LAMA4: variants seen among roughly 807,000 people sequenced by gnomAD.
LAMA4 encodes the protein laminin subunit alpha-4.
A neutral mutation model predicts 207.1 loss-of-function variants in LAMA4; 127 were observed. The ratio of observed to expected loss-of-function variants is 0.61; its 90% CI spans 0.53 to 0.71. The LOEUF (loss-of-function observed/expected upper bound fraction) is 0.71, where lower values mean the gene tolerates loss of function less well. Ranked by LOEUF, LAMA4 falls within the 30% of genes least tolerant of loss-of-function variation. The pLI, the probability that LAMA4 is intolerant of heterozygous loss-of-function variation, is 0.00. For missense variants in LAMA4, 2,093 were observed against 2,246.5 expected (o/e 0.93, Z 1.38); for synonymous variants, 761 against 816.0 (o/e 0.93, Z 1.15).
At chr6:112,241,200 T>G (rs1249318170) in intron 2 of LAMA4, among the ~76,000 whole-genome samples, 1 of 112,298 alleles carries the variant, frequency 8.9e-6, no homozygotes, top group African/African-American at 2.9e-5. Context: ...TGAATATATA[T>G]GATATATATG....
intron 3 of LAMA4, among the ~76,000 whole-genome samples, chr6:112,215,312 C>A (rs987550000): frequency 6.6e-6 from 1 of 152,186 alleles, no homozygotes; most frequent in Non-Finnish European, 1.5e-5. Context: ...ACTTAATTCT[C>A]TGTCCCTAGA....
At position 112,114,771 on chromosome 6, in the gene LAMA4, A is replaced by G. The variant is rs1554322953; in HGVS notation, c.5113-15T>C. ...TTCACTATGACCTGCAAAAGATAGGACACATTGTATGATTTAGTTTGTCCT... is the reference window on the plus strand; with the variant it reads ...TTCACTATGACCTGCAAAAGATAGGGCACATTGTATGATTTAGTTTGTCCT... On this transcript the variant is annotated splice_polypyrimidine_tract_variant and intron_variant, in intron 36 of 38. Coordinates refer to ENST00000230538, the MANE Select transcript of LAMA4 (RefSeq NM_001105206.3). 6.5e-6 allele frequency: 10 copies of G among 1,546,828 alleles called. No individual in the cohort carries two copies. The highest frequency in any genetic ancestry group is 2.2e-5 in the East Asian group (1 of 44,538).
intron 2 of LAMA4, among the ~76,000 whole-genome samples, chr6:112,241,460 A>G (rs1163441376): frequency 6.6e-6 from 1 of 151,898 alleles, no homozygotes; most frequent in Non-Finnish European, 1.5e-5. Context: ...TTGCTAAGGC[A>G]CTCTGAGACT....
At chr6:112,154,539 T>TGGCTGTGTTAAGTGTATTTTAGGACA (rs1780587875) in intron 16 of LAMA4, among the ~76,000 whole-genome samples, 2 of 73,756 alleles carry the variant, frequency 2.7e-5, no homozygotes, top group African/African-American at 1.5e-4. Flanking sequence ...TTTTAGGACA[T>TGGCTGTGTTAAGTGTATTTTAGGACA]TTTTCCCCTA....
At chr6:112,174,224 C>A (rs1234483939) in intron 11 of LAMA4, among the ~76,000 whole-genome samples, 1 of 152,170 alleles carries the variant, frequency 6.6e-6, no homozygotes, top group African/African-American at 2.4e-5. Context: ...AGCTCCAAGC[C>A]TAGGCTTAAG....
At chr6:112,222,390 G>A (rs781935971) in intron 2 of LAMA4, among the ~76,000 whole-genome samples, 5 of 152,146 alleles carry the variant, frequency 3.3e-5, no homozygotes, top group Admixed American at 6.5e-5. Flanking sequence ...ACAGACTATG[G>A]TGCTGGTTTC....
rs144171485 is a variant in LAMA4 at position 112,143,436 on chromosome 6, C to T, written c.2494-1144G>A. On this transcript the variant is annotated intron_variant, in intron 19 of 38. Coordinates refer to ENST00000230538, the MANE Select transcript of LAMA4 (RefSeq NM_001105206.3). ...AGTAACTGGGACTACAGGTGTGCGCCACCACGCCCAGCCAATTTTTGTATT... is the reference window on the plus strand; with the variant it reads ...AGTAACTGGGACTACAGGTGTGCGCTACCACGCCCAGCCAATTTTTGTATT... Among the ~76,000 whole-genome samples the T allele has an allele frequency of 2.3e-3, 349 of 152,186 alleles. 2 individuals are homozygous for T. The highest frequency in any genetic ancestry group is 8.0e-3 in the African/African-American group (334 of 41,512).
At chr6:112,137,440 A>G (rs901483985) in intron 24 of LAMA4, among the ~76,000 whole-genome samples, 1 of 152,204 alleles carries the variant, frequency 6.6e-6, no homozygotes, top group Non-Finnish European at 1.5e-5. Flanking sequence ...AGAGAAAGAA[A>G]CTAACTTTTA....
chr6:112,109,624 T>C, intron 38 of LAMA4, 42 bp from the exon 39 acceptor site: 1 of 1,603,546 alleles, frequency 6.2e-7, no homozygotes, highest in South Asian at 1.1e-5. Context: ...GCAATTGAGG[T>C]ATTCCAAGCC....
intron 11 of LAMA4, among the ~76,000 whole-genome samples, chr6:112,174,071 T>A (rs1554342825): frequency 6.6e-6 from 1 of 152,234 alleles, no homozygotes; most frequent in African/African-American, 2.4e-5. Flanking sequence ...AGCTAAAATA[T>A]AATATGCAAA....
At chr6:112,190,086 A>G (rs1156987145) in intron 6 of LAMA4, among the ~76,000 whole-genome samples, 4 of 152,212 alleles carry the variant, frequency 2.6e-5, no homozygotes, top group Admixed American at 2.0e-4. Flanking sequence ...CATCTGTTTA[A>G]TGTTCCACAA....
intron 22 of LAMA4, 92 bp from the exon 23 acceptor site, chr6:112,139,977 G>A: frequency 8.2e-7 from 1 of 1,225,886 alleles, no homozygotes; most frequent in Non-Finnish European, 1.2e-6. Context: ...GTAGGTCAAG[G>A]AGACCTACCC....
Position 112,150,621 on chromosome 6 carries a change from T to A in LAMA4, c.2063A>T (p.Asp688Val). 1.9e-6 allele frequency: 3 copies of A among 1,612,196 alleles called. No homozygotes were observed. The highest frequency in any genetic ancestry group is 2.5e-6 in the Non-Finnish European group (3 of 1,178,190). ...ELQAKAESSSDEAVADTSRRV... is the reference protein window; with the variant it reads ...ELQAKAESSSVEAVADTSRRV... ...CCTGCTAGTGTCAGCCACTGCTTCA[T>A]CACTGCCTGTGGAAGAGCAGCAGAA... Residue 688 changes from aspartate to valine, a missense_variant, in exon 17 of 39, where the codon GAT becomes GTT. This residue lies in a region of LAMA4 where 1,704 missense variants were observed against 1,788.4 expected (regional missense o/e 0.95). Coordinates refer to ENST00000230538, the MANE Select transcript of LAMA4 (RefSeq NM_001105206.3).
intron 24 of LAMA4, among the ~76,000 whole-genome samples, chr6:112,136,690 T>TGA (rs1779371780): frequency 1.3e-5 from 1 of 76,444 alleles, no homozygotes; most frequent in African/African-American, 5.2e-5. Context: ...AGACTCTGTC[T>TGA]CAAAAAAAAA....
rs1190461791 is a variant in LAMA4 at position 112,130,983 on chromosome 6, G to C, written c.3953C>G (p.Ser1318Cys). 4 of 1,613,088 alleles carry C rather than the reference G, an allele frequency of 2.5e-6. No individual in the cohort carries two copies. In the African/African-American group the frequency reaches 4.0e-5, roughly 16 times the overall value. The stretch of plus-strand genomic sequence containing the variant: ...GGAGCTATACCTTGTGGGTGAGACA[G>C]AGCTAATGACGAAGTGGGACAGCCC... ...NDGLSHFVIS[S>C]VSPTRYELIV... is the part of the protein sequence containing the mutation. The change falls in exon 29 of 39, where the codon TCT (serine) becomes TGT (cysteine). Residue 1318 changes from serine (S) to cysteine (C), a missense_variant. Physicochemically the swap from Ser to Cys is moderately radical, Grantham distance 112 (BLOSUM62 -1). Transcript: ENST00000230538.
At chr6:112,162,796 G>A (rs1486427369) in intron 13 of LAMA4, among the ~76,000 whole-genome samples, 2 of 152,040 alleles carry the variant, frequency 1.3e-5, no homozygotes, top group Non-Finnish European at 2.9e-5. Context: ...CATAGCTGGA[G>A]GTATAATTGT....
intron 9 of LAMA4, among the ~76,000 whole-genome samples, chr6:112,184,471 T>C (rs928642718): frequency 1.4e-4 from 21 of 152,204 alleles, no homozygotes; most frequent in African/African-American, 4.8e-4. Context: ...ACATTGACTC[T>C]GCTCATGTTT....
At chr6:112,215,666 A>G (rs142901591) in intron 3 of LAMA4, among the ~76,000 whole-genome samples, 1 of 152,294 alleles carries the variant, frequency 6.6e-6, no homozygotes, top group East Asian at 1.9e-4. Flanking sequence ...AAATATTTCA[A>G]CACCCATTTT....
At chr6:112,208,503 T>A (rs1030415511) in intron 3 of LAMA4, among the ~76,000 whole-genome samples, 4 of 152,154 alleles carry the variant, frequency 2.6e-5, no homozygotes, top group Non-Finnish European at 2.9e-5. Context: ...GCAGAAAGAT[T>A]AAGCAAATTG....
Sources: allele counts gnomAD v4.1 joint callset (sites outside exome capture counted in the v4.1 genomes callset), GRCh38; gene constraint gnomAD v4.1.1; regional missense constraint gnomAD v4.1.1; transcripts MANE v1.5; gene names NCBI Gene and HGNC (gene_info 2026-07-23, HGNC 2026-07-21).